The following SPIN1 variants were observed in gnomAD, a reference collection of about 807,000 sequenced individuals.
The protein encoded by SPIN1 is spindlin 1, also known as spindlin-1.
Under a neutral mutation model 26.0 loss-of-function variants are expected in SPIN1, and 3 were observed. That is an observed-to-expected ratio of 0.12 (90% CI 0.05 to 0.30). The LOEUF is 0.30. Ranked by LOEUF, SPIN1 falls within the 10% of genes least tolerant of loss-of-function variation. SPIN1 has a pLI of 1.00. For missense variants in SPIN1, 126 were observed against 333.4 expected (o/e 0.38, Z 4.84); for synonymous variants, 101 against 116.5 (o/e 0.87, Z 0.86).
chr9:88,408,778 A>G (rs1383671351), intron 1 of SPIN1, among the ~76,000 whole-genome samples: 1 of 146,886 alleles, frequency 6.8e-6, no homozygotes, highest in Non-Finnish European at 1.5e-5. Context: ...GGTTCAAGCG[A>G]TTCTCCTGCC....
At chr9:88,406,847 T>TA (rs1156390898) in intron 1 of SPIN1, among the ~76,000 whole-genome samples, 1 of 152,192 alleles carries the variant, frequency 6.6e-6, no homozygotes, top group East Asian at 1.9e-4. Context: ...TATTATTTGA[T>TA]ACTTTCCTCC....
intron 4 of SPIN1, among the ~76,000 whole-genome samples, chr9:88,465,581 A>G (rs1828651757): frequency 6.6e-6 from 1 of 152,136 alleles, no homozygotes; most frequent in African/African-American, 2.4e-5. Context: ...CTTGTTGGCC[A>G]CTTGTAAATC....
At chr9:88,456,283 G>C (rs1232509985) in intron 3 of SPIN1, among the ~76,000 whole-genome samples, 1 of 152,050 alleles carries the variant, frequency 6.6e-6, no homozygotes, top group Non-Finnish European at 1.5e-5. Flanking sequence ...CTAAGTTTTT[G>C]TTACTGTTAA....
At chr9:88,393,445 GTTTTT>G (rs57244433) in intron 1 of SPIN1, among the ~76,000 whole-genome samples, 2,711 of 88,076 alleles carry the variant, frequency 0.031, 28 homozygotes, top group African/African-American at 0.14. Context: ...TTGCTTTTGG[GTTTTT>G]TTTTTTTTTT....
chr9:88,410,907 T>A, intron 1 of SPIN1: 1 of 1,008,820 alleles, frequency 9.9e-7, no homozygotes, highest in Non-Finnish European at 1.6e-6. Flanking sequence ...GCACTAGCCA[T>A]CTCTTGCTTT....
rs554378607 is a variant in SPIN1 at position 88,441,771 on chromosome 9, A to AATAT, written c.53-7167_53-7166insTATA. Among the ~76,000 whole-genome samples the AATAT allele has an allele frequency of 5.9e-4, 88 of 149,258 alleles. 1 individual carries two copies. The Middle Eastern group carries it at 0.014, about 24-fold the overall frequency. The stretch of plus-strand genomic sequence containing the variant: ...ACCCTGTCTAAAAAATAAATAAATA[A>AATAT]ATAAAAGTTTTTATATTATATTTTT... On this transcript the variant is annotated intron_variant, in intron 2 of 5. Coordinates refer to ENST00000375859, the MANE Select transcript of SPIN1 (RefSeq NM_006717.3).
At chr9:88,389,350 C>G (rs939322266) in intron 1 of SPIN1, 2 of 152,204 alleles carry the variant, frequency 1.3e-5, no homozygotes, top group African/African-American at 4.8e-5. Context: ...TGCGCAGCGC[C>G]TCGGGTTTGG....
At chr9:88,416,679 A>C (rs926473958) in intron 1 of SPIN1, 1 of 152,226 alleles carries the variant, frequency 6.6e-6, no homozygotes, top group Non-Finnish European at 1.5e-5. Flanking sequence ...GCTGGAGTGT[A>C]GTAGCATGAT....
chr9:88,474,963 T>A lies in SPIN1; in HGVS notation c.590-115T>A, dbSNP rs1003712878. On this transcript the variant is annotated intron_variant, in intron 5 of 5. Coordinates refer to ENST00000375859, the MANE Select transcript of SPIN1 (RefSeq NM_006717.3). ...GGTCTAGATAATCATGAATTCAGGC[T>A]ATTAAAATTTTTTTTAAGTTATGAA... 1.1e-5 allele frequency: 11 copies of A among 1,000,960 alleles called. No homozygotes were observed. In the African/African-American group the frequency reaches 1.5e-4, roughly 13 times the overall value. 62.0% of individuals were successfully genotyped at this position (1,000,960 alleles called of 1,614,324 possible).
Position 88,393,906 on chromosome 9 carries a change from G to A in SPIN1, c.-159+5368G>A, listed in dbSNP as rs149106311. Among the ~76,000 whole-genome samples the A allele has an allele frequency of 3.6e-3, 548 of 152,176 alleles. 2 individuals are homozygous for A. Among genetic ancestry groups the A allele is most frequent in the African/African-American group, 0.012 (516 of 41,504 alleles). The stretch of plus-strand genomic sequence containing the variant: ...TCTGTCACCCAGGCTGGAGTGCAGT[G>A]GTGTGACCTTGGCTTACTACAACCT... On this transcript the variant is annotated intron_variant, in intron 1 of 5. Coordinates refer to ENST00000375859, the MANE Select transcript of SPIN1 (RefSeq NM_006717.3).
At position 88,426,488 on chromosome 9, in the gene SPIN1, T is replaced by C. The variant is rs1337188808; in HGVS notation, c.-52T>C. 2.0e-6 allele frequency: 3 copies of C among 1,480,916 alleles called. No individual in the cohort carries two copies. Among genetic ancestry groups the C allele is most frequent in the African/African-American group, 2.8e-5 (2 of 71,838 alleles). The allele number at this position is 1,480,916 out of a possible 1,614,324, so 91.7% of individuals were successfully genotyped here. A position where few individuals can be genotyped will look rare whatever the true frequency, so the allele number is the denominator to read the frequency against. On this transcript the variant is annotated 5_prime_UTR_variant, in exon 2 of 6. Coordinates refer to ENST00000375859, the MANE Select transcript of SPIN1 (RefSeq NM_006717.3). ...GTGAAAAGTTTCAAATTGGAGAATA[T>C]TGAATTTTCACCCTAGTCCAGCAGC... is the stretch of plus-strand genomic sequence containing the variant.
chr9:88,443,496 A>G (rs1291883495), intron 2 of SPIN1, among the ~76,000 whole-genome samples: 2 of 152,340 alleles, frequency 1.3e-5, no homozygotes, highest in Admixed American at 1.3e-4. Flanking sequence ...CATATTAATC[A>G]TAGTTCATTT....
At chr9:88,430,480 A>G (rs947784676) in intron 2 of SPIN1, among the ~76,000 whole-genome samples, 62 of 152,182 alleles carry the variant, frequency 4.1e-4, no homozygotes, top group African/African-American at 1.3e-3. Flanking sequence ...CATAGACACT[A>G]TACTTGATGG....
chr9:88,416,316 AT>A (rs926694671), intron 1 of SPIN1, among the ~76,000 whole-genome samples: 23 of 151,488 alleles, frequency 1.5e-4, no homozygotes, highest in African/African-American at 4.8e-4. Flanking sequence ...TTCTTACCCT[AT>A]TTTTGTTTTA....
intron 3 of SPIN1, among the ~76,000 whole-genome samples, chr9:88,457,064 G>A (rs989814718): frequency 1.3e-4 from 20 of 152,146 alleles, no homozygotes; most frequent in African/African-American, 4.3e-4. Flanking sequence ...TTGAATCATG[G>A]AGAATTGATC....
At chr9:88,430,883 CT>C (rs906131135) in intron 2 of SPIN1, among the ~76,000 whole-genome samples, 133 of 132,040 alleles carry the variant, frequency 1.0e-3, no homozygotes, top group Non-Finnish European at 1.1e-3. Context: ...TATATTTTTT[CT>C]TTTTTTTTTT....
chr9:88,441,428 C>CGCG (rs1828125461), intron 2 of SPIN1, among the ~76,000 whole-genome samples: 4 of 91,796 alleles, frequency 4.4e-5, no homozygotes, highest in African/African-American at 4.1e-4. Context: ...CGCGCGCGCG[C>CGCG]CCATGTGTGT....
chr9:88,410,955 C>T, intron 1 of SPIN1: 1 of 1,222,256 alleles, frequency 8.2e-7, no homozygotes, highest in Non-Finnish European at 1.2e-6. Context: ...TTGCCATTCA[C>T]AGTATGATAT....
chr9:88,456,907 T>C (rs1007256906), intron 3 of SPIN1, among the ~76,000 whole-genome samples: 2 of 152,134 alleles, frequency 1.3e-5, no homozygotes, highest in Non-Finnish European at 2.9e-5. Flanking sequence ...TCAGAAAGCA[T>C]GTTCATTAAA....
Sources: allele counts gnomAD v4.1 joint callset (sites outside exome capture counted in the v4.1 genomes callset), GRCh38; gene constraint gnomAD v4.1.1; transcripts MANE v1.5; gene names NCBI Gene and HGNC (gene_info 2026-07-23, HGNC 2026-07-21).